YJU2B: variants seen among roughly 807,000 people sequenced by gnomAD.
YJU2B encodes the protein YJU2 splicing factor homolog B.
Under a neutral mutation model 38.0 loss-of-function variants are expected in YJU2B, and 18 were observed. The ratio of observed to expected loss-of-function variants is 0.47; its 90% CI spans 0.33 to 0.70. The LOEUF is 0.70. Ranked by LOEUF, YJU2B falls within the 30% of genes least tolerant of loss-of-function variation. The probability of loss-of-function intolerance (pLI) is 0.02; values close to 1 mark genes in which losing one functional copy is unlikely to be tolerated. For synonymous variants in YJU2B, 246 were observed against 225.4 expected, an observed-to-expected ratio of 1.09 and a Z score of -0.82; for missense variants, 538 against 556.3, an observed-to-expected ratio of 0.97 and a Z score of 0.33.
chr19:13,746,735 C>T (rs184667813), upstream of YJU2B, among the ~76,000 whole-genome samples: 2 of 152,198 alleles, frequency 1.3e-5, no homozygotes, highest in African/African-American at 4.8e-5. Context: ...GGTGAAACCC[C>T]ATCTCTACTA....
At chr19:13,746,604 G>T (rs1209283677), upstream of YJU2B, among the ~76,000 whole-genome samples, 1 of 152,032 alleles carries the variant, frequency 6.6e-6, no homozygotes, top group African/African-American at 2.4e-5. Context: ...CAAAATACAA[G>T]ACTCCAAAAA....
chr19:13,762,320 G>C lies in YJU2B; in HGVS notation c.595G>C (p.Glu199Gln). Residue 199 changes from glutamate to glutamine, a missense_variant, in exon 9 of 10, where the codon GAG (glutamate) becomes CAG (glutamine). Coordinates refer to ENST00000221554, the MANE Select transcript of YJU2B (RefSeq NM_030818.4). ...ACAGGAAAAGAAAAAAGCCATCCAGGAGGAGGAGGAGAGAGACCAGGCCTT... is the reference window on the plus strand; with the variant it reads ...ACAGGAAAAGAAAAAAGCCATCCAGCAGGAGGAGGAGAGAGACCAGGCCTT... ...RFREKKKAIQ[E>Q]EEERDQALQA... 1.2e-6 allele frequency: 2 copies of C among 1,612,448 alleles called. No individual in the cohort carries two copies. Among genetic ancestry groups the C allele is most frequent in the Non-Finnish European group, 8.5e-7 (1 of 1,179,312 alleles).
intron 8 of YJU2B, among the ~76,000 whole-genome samples, chr19:13,760,072 G>T (rs1297381804): frequency 6.6e-6 from 1 of 151,974 alleles, no homozygotes. Flanking sequence ...GATCACAGGC[G>T]TGAGCCACCG....
At chr19:13,743,071 A>T (rs768556588), upstream of YJU2B, among the ~76,000 whole-genome samples, 3 of 152,100 alleles carry the variant, frequency 2.0e-5, no homozygotes, top group Non-Finnish European at 4.4e-5. Flanking sequence ...AAAGGTGTTT[A>T]TTGCAGGGCA....
intron 5 of YJU2B, 68 bp from the exon 6 acceptor site, chr19:13,757,718 C>A: frequency 6.7e-7 from 1 of 1,485,558 alleles, no homozygotes; most frequent in South Asian, 1.1e-5. Context: ...CCTCTTTGTA[C>A]CTCATTTTAC....
At chr19:13,757,024 C>T (rs1001347910) in intron 4 of YJU2B, among the ~76,000 whole-genome samples, 7 of 151,634 alleles carry the variant, frequency 4.6e-5, no homozygotes, top group Admixed American at 4.0e-4. Flanking sequence ...ACCTATAATC[C>T]CAGCTACTTG....
At chr19:13,743,276 C>T (rs1973140865), upstream of YJU2B, among the ~76,000 whole-genome samples, 3 of 152,150 alleles carry the variant, frequency 2.0e-5, no homozygotes, top group South Asian at 2.1e-4. Context: ...GCTTACAGGT[C>T]GTAGATAGAT....
rs142276898 is a variant in YJU2B, at chr19:13,760,326, G to C, written c.573+1054G>C. On this transcript the variant is annotated intron_variant, in intron 8 of 9. Transcript: ENST00000221554. ...GTCTGGTGAGGGCCCATTTCTCATA[G>C]GCGGTGGCTTCTAGCTGTGTCCTCA... 3.4e-3 allele frequency among the ~76,000 whole-genome samples: 521 copies of C among 152,254 alleles called. 1 individual carries two copies. Among genetic ancestry groups the C allele is most frequent in the African/African-American group, 0.011 (469 of 41,536 alleles).
At chr19:13,754,235 AC>A in intron 2 of YJU2B, 53 bp from the exon 3 acceptor site, 1 of 1,456,060 alleles carries the variant, frequency 6.9e-7, no homozygotes, top group Non-Finnish European at 9.7e-7. Context: ...GGGTAGGGAC[AC>A]AGCCAAACCA....
intron 2 of YJU2B, among the ~76,000 whole-genome samples, chr19:13,735,647 G>A (rs907063534): frequency 6.6e-6 from 1 of 152,046 alleles, no homozygotes; most frequent in African/African-American, 2.4e-5. Flanking sequence ...ATGCTAATGG[G>A]TAAATTACGG....
At chr19:13,744,854 GTT>G (rs1973187602), upstream of YJU2B, among the ~76,000 whole-genome samples, 1 of 152,018 alleles carries the variant, frequency 6.6e-6, no homozygotes, top group African/African-American at 2.4e-5. Flanking sequence ...TTAGCCGGGT[GTT>G]GTGGCGGGCG....
At chr19:13,748,393 AAAC>A (rs929437155) in intron 1 of YJU2B, among the ~76,000 whole-genome samples, 3 of 152,054 alleles carry the variant, frequency 2.0e-5, no homozygotes, top group Non-Finnish European at 4.4e-5. Context: ...TAGAGAGAGA[AAAC>A]AATTTGCCCC....
intron 2 of YJU2B, among the ~76,000 whole-genome samples, chr19:13,734,585 C>T (rs1378783599): frequency 4.6e-5 from 7 of 151,950 alleles, no homozygotes; most frequent in Admixed American, 2.6e-4. Context: ...CCACCGCGCC[C>T]GGCCCTTTTT....
chr19:13,747,357 T>C (rs1253858336), upstream of YJU2B, among the ~76,000 whole-genome samples: 2 of 152,146 alleles, frequency 1.3e-5, no homozygotes, highest in South Asian at 2.1e-4. Flanking sequence ...TATTTAAAAA[T>C]GCAAAAACAG....
rs115356913 is a variant in YJU2B at position 13,762,173 on chromosome 19, C to T, written c.574-126C>T. 2.2e-3 allele frequency: 2,509 copies of T among 1,158,514 alleles called. 40 individuals carry two copies. In the African/African-American group the frequency reaches 0.033, roughly 15 times the overall value. 71.8% of individuals were successfully genotyped at this position (1,158,514 alleles called of 1,614,324 possible). The stretch of plus-strand genomic sequence containing the variant: ...TTGTGCCACTGCACTCCAGTCTGGG[C>T]GACAGAATGAAACTGTCTCAAAAAG... On this transcript the variant is annotated intron_variant, in intron 8 of 9. Coordinates refer to ENST00000221554, the MANE Select transcript of YJU2B (RefSeq NM_030818.4).
At chr19:13,757,616 C>T (rs1033972943) in intron 5 of YJU2B, 143 bp downstream of exon 5, 6 of 1,062,210 alleles carry the variant, frequency 5.6e-6, no homozygotes, top group Non-Finnish European at 8.6e-6. Flanking sequence ...CCATGGAAGC[C>T]CCTTTGCAGA....
intron 1 of YJU2B, among the ~76,000 whole-genome samples, chr19:13,750,613 C>T (rs1363497187): frequency 1.3e-5 from 2 of 151,848 alleles, no homozygotes; most frequent in Non-Finnish European, 2.9e-5. Flanking sequence ...GATCCCAGCA[C>T]TTTGGGAGGC....
At chr19:13,760,724 C>T (rs968324303) in intron 8 of YJU2B, among the ~76,000 whole-genome samples, 2 of 152,024 alleles carry the variant, frequency 1.3e-5, no homozygotes, top group African/African-American at 4.8e-5. Context: ...TCCCAAGTAG[C>T]TGGGACCCAC....
In YJU2B at chr19:13,752,345, C is replaced by T. The variant is rs554937666; in HGVS notation, c.3+534C>T. 4.6e-5 allele frequency among the ~76,000 whole-genome samples: 7 copies of T among 151,810 alleles called. No individual in the cohort carries two copies. In the South Asian group the frequency reaches 1.0e-3, roughly 23 times the overall value. On this transcript the variant is annotated intron_variant, in intron 2 of 9. Transcript: ENST00000221554. ...TTGCAAGGCCAGGCACAGTGGCTCA[C>T]GCCTGTAATACCAGCAGTTTGGGAG...
Sources: allele counts gnomAD v4.1 joint callset (sites outside exome capture counted in the v4.1 genomes callset), GRCh38; gene constraint gnomAD v4.1.1; transcripts MANE v1.5; gene names NCBI Gene and HGNC (gene_info 2026-07-23, HGNC 2026-07-21).